The following CARMIL1 variants were observed in gnomAD, a reference collection of about 807,000 sequenced individuals.
The protein encoded by CARMIL1 is capping protein regulator and myosin 1 linker 1, also known as F-actin-uncapping protein LRRC16A.
CARMIL1 carries 90 observed loss-of-function variants against 177.1 expected under a neutral mutation model. That is an observed-to-expected ratio of 0.51 (90% CI 0.43 to 0.61). The LOEUF (loss-of-function observed/expected upper bound fraction) is 0.61, where lower values mean the gene tolerates loss of function less well. Among genes scored for constraint, CARMIL1 ranks in the 20% least tolerant of loss-of-function variants. CARMIL1 has a pLI of 0.00. For missense variants in CARMIL1, 1,380 were observed against 1,667.0 expected, an observed-to-expected ratio of 0.83 and a Z score of 3.00; for synonymous variants, 577 against 606.2, an observed-to-expected ratio of 0.95 and a Z score of 0.71.
intron 2 of CARMIL1, among the ~76,000 whole-genome samples, chr6:25,392,230 T>G (rs1792929954): frequency 6.6e-6 from 1 of 152,142 alleles, no homozygotes; most frequent in Non-Finnish European, 1.5e-5. Context: ...ACAGGACTTT[T>G]GAAGGTATCT....
chr6:25,545,137 C>T (rs1562271296), intron 26 of CARMIL1, among the ~76,000 whole-genome samples: 1 of 152,068 alleles, frequency 6.6e-6, no homozygotes, highest in Non-Finnish European at 1.5e-5. Flanking sequence ...TGTTAAAATT[C>T]CTAGTATAAT....
intron 2 of CARMIL1, among the ~76,000 whole-genome samples, chr6:25,352,734 C>T (rs1280307938): frequency 2.0e-5 from 3 of 152,136 alleles, no homozygotes; most frequent in Non-Finnish European, 4.4e-5. Context: ...CCACTTCCTG[C>T]TACTTTGCTT....
intron 2 of CARMIL1, among the ~76,000 whole-genome samples, chr6:25,292,249 A>G (rs1201547083): frequency 6.6e-6 from 1 of 152,222 alleles, no homozygotes; most frequent in East Asian, 1.9e-4. Context: ...TTTAAGGATC[A>G]CTTACAGTTC....
chr6:25,432,073 C>A (rs1178997034), intron 4 of CARMIL1, among the ~76,000 whole-genome samples: 1 of 152,202 alleles, frequency 6.6e-6, no homozygotes, highest in Non-Finnish European at 1.5e-5. Context: ...TCATTCTCCT[C>A]AAACACACAC....
At position 25,491,975 on chromosome 6, in the gene CARMIL1, C is replaced by T. The variant is rs1803283273; in HGVS notation, c.1171C>T (p.Leu391Phe). 2 of 1,613,672 alleles carry T rather than the reference C, an allele frequency of 1.2e-6. No individual in the cohort carries two copies. The highest frequency in any genetic ancestry group is 2.2e-5 in the South Asian group (2 of 91,046). ...CTGTGGAGCTCTTCTCCGTGGATGC[C>T]TTCAATATTTAGCTGTGCTCAACCT... ...MVCGALLRGC[L>F]QYLAVLNLSR... Residue 391 changes from leucine (L) to phenylalanine (F), a missense_variant, in exon 15 of 37, where the codon CTT (leucine) becomes TTT (phenylalanine). By Grantham distance (22) the Leu-to-Phe change is conservative (BLOSUM62 0). Transcript: ENST00000329474.
chr6:25,302,938 A>T (rs1782976038), intron 2 of CARMIL1, among the ~76,000 whole-genome samples: 1 of 151,986 alleles, frequency 6.6e-6, no homozygotes, highest in Non-Finnish European at 1.5e-5. Flanking sequence ...TGTGGTACTG[A>T]GTAGTGTTTG....
intron 2 of CARMIL1, among the ~76,000 whole-genome samples, chr6:25,323,921 C>T (rs1404284634): frequency 2.0e-5 from 3 of 152,138 alleles, no homozygotes; most frequent in Non-Finnish European, 4.4e-5. Flanking sequence ...TTTTGATTTT[C>T]TAGCTCATAA....
chr6:25,493,638 C>T (rs562958062), intron 15 of CARMIL1, among the ~76,000 whole-genome samples: 31 of 152,260 alleles, frequency 2.0e-4, no homozygotes, highest in African/African-American at 7.2e-4. Flanking sequence ...AGGCTTCTCT[C>T]TGGAAGTCAT....
At chr6:25,556,944 A>T in intron 29 of CARMIL1, 94 bp downstream of exon 29, 2 of 1,250,266 alleles carry the variant, frequency 1.6e-6, no homozygotes, top group Non-Finnish European at 1.1e-6. Context: ...TTGAAATCAG[A>T]CCAAACAAAA....
intron 22 of CARMIL1, among the ~76,000 whole-genome samples, chr6:25,519,666 T>C (rs1410110951): frequency 6.6e-6 from 1 of 152,240 alleles, no homozygotes; most frequent in Admixed American, 6.5e-5. Context: ...AGCAGACCCT[T>C]TCCCAGCAGC....
At chr6:25,574,225 CAG>C (rs1205555418) in intron 29 of CARMIL1, among the ~76,000 whole-genome samples, 1 of 152,150 alleles carries the variant, frequency 6.6e-6, no homozygotes, top group African/African-American at 2.4e-5. Context: ...ATACCATGAC[CAG>C]AGTGATTTCT....
chr6:25,502,876 G>T (rs888178242), intron 17 of CARMIL1, among the ~76,000 whole-genome samples: 1 of 152,160 alleles, frequency 6.6e-6, no homozygotes, highest in Non-Finnish European at 1.5e-5. Flanking sequence ...ACTAAGTATG[G>T]TTAGGCATTT....
chr6:25,425,904 A>G (rs1390120175), intron 3 of CARMIL1, among the ~76,000 whole-genome samples: 1 of 152,164 alleles, frequency 6.6e-6, no homozygotes, highest in Non-Finnish European at 1.5e-5. Context: ...ATCCATTCAA[A>G]CTGTGCATTT....
chr6:25,518,361 G>C (rs1430980361), intron 22 of CARMIL1, among the ~76,000 whole-genome samples: 1 of 152,158 alleles, frequency 6.6e-6, no homozygotes, highest in Non-Finnish European at 1.5e-5. Flanking sequence ...GAAATGAGAG[G>C]ATTAGGATAA....
intron 2 of CARMIL1, among the ~76,000 whole-genome samples, chr6:25,332,139 T>C (rs1785686859): frequency 6.6e-6 from 1 of 152,208 alleles, no homozygotes; most frequent in Non-Finnish European, 1.5e-5. Context: ...ACTAGGACTA[T>C]TGTGTATTTG....
At position 25,537,910 on chromosome 6, in the gene CARMIL1, G is replaced by T. The variant is rs1188128404; in HGVS notation, c.2123G>T (p.Cys708Phe). Residue 708 changes from cysteine (C) to phenylalanine (F), a missense_variant, in exon 25 of 37, where the codon TGT (cysteine) becomes TTT (phenylalanine). By Grantham distance (205) the Cys-to-Phe change is radical. Coordinates refer to ENST00000329474, the MANE Select transcript of CARMIL1 (RefSeq NM_017640.6). ...VQDHLNSLRN[C>F]GGDAIQEDLK... ...GATCATCTCAACTCCTTACGAAATT[G>T]TGGGGGAGACGCTATCCAGGAAGAT... is the stretch of plus-strand genomic sequence containing the variant. 2 of 1,608,814 alleles carry T rather than the reference G, an allele frequency of 1.2e-6. No homozygotes were observed. The highest frequency in any genetic ancestry group is 3.4e-5 in the Admixed American group (2 of 59,368).
intron 3 of CARMIL1, among the ~76,000 whole-genome samples, chr6:25,422,053 G>A (rs1212520643): frequency 2.0e-5 from 3 of 151,890 alleles, no homozygotes; most frequent in Admixed American, 6.6e-5. Flanking sequence ...AAAGAAAATA[G>A]CTAAAAGATG....
intron 2 of CARMIL1, among the ~76,000 whole-genome samples, chr6:25,366,286 C>A (rs555415783): frequency 6.6e-6 from 1 of 152,216 alleles, no homozygotes; most frequent in South Asian, 2.1e-4. Context: ...CATGAGCCAC[C>A]ATACATGGCC....
At chr6:25,512,580 T>G (rs1805561045) in intron 20 of CARMIL1, among the ~76,000 whole-genome samples, 1 of 152,236 alleles carries the variant, frequency 6.6e-6, no homozygotes, top group African/African-American at 2.4e-5. Context: ...TTTACAAGTT[T>G]TACATGTTAA....
Sources: gnomAD v4.1 joint callset for allele counts (sites outside exome capture counted in the v4.1 genomes callset) on GRCh38, gnomAD v4.1.1 for gene constraint, MANE v1.5 for transcripts, NCBI Gene and HGNC (gene_info 2026-07-23, HGNC 2026-07-21) for gene names.